Variants in SLIT1 observed in about 807,000 individuals in gnomAD.
SLIT1 encodes the protein slit homolog 1 protein.
SLIT1 carries 66 observed loss-of-function variants against 186.1 expected under a neutral mutation model. The ratio of observed to expected loss-of-function variants is 0.35; its 90% CI spans 0.29 to 0.44. SLIT1 has a LOEUF of 0.44. Among genes scored for constraint, SLIT1 ranks in the 20% least tolerant of loss-of-function variants. The pLI, the probability that SLIT1 is intolerant of heterozygous loss-of-function variation, is 1.00. For synonymous variants in SLIT1, 761 were observed against 833.8 expected (o/e 0.91, Z 1.50); for missense variants, 1,638 against 2,037.4 (o/e 0.80, Z 3.77).
At chr10:97,062,264 G>A (rs1297686791) in intron 8 of SLIT1, among the ~76,000 whole-genome samples, 1 of 152,114 alleles carries the variant, frequency 6.6e-6, no homozygotes, top group East Asian at 1.9e-4. Flanking sequence ...GCACAGCGGT[G>A]TTCAAGCCCA....
chr10:97,034,498 A>T lies in SLIT1; in HGVS notation c.2411T>A (p.Phe804Tyr). Reference protein sequence around the residue: ...NKISSLSNSSFTNMSQLTTLI... With the variant: ...NKISSLSNSSYTNMSQLTTLI... The stretch of plus-strand genomic sequence containing the variant: ...AGTGGTCAGCTGGCTCATGTTGGTG[A>T]AGGAGGAATTGCTTAAGGAACTGAT... Residue 804 changes from phenylalanine (F) to tyrosine (Y), a missense_variant, in exon 23 of 37, where the codon TTC (phenylalanine) becomes TAC (tyrosine). Phe to Tyr is a conservative substitution (Grantham distance 22). Transcript: ENST00000266058. The T allele has an allele frequency of 6.2e-7, 1 of 1,613,564 alleles. No individual in the cohort carries two copies. The highest frequency in any genetic ancestry group is 8.5e-7 in the Non-Finnish European group (1 of 1,179,680).
chr10:97,116,112 C>G (rs949676886), intron 4 of SLIT1, among the ~76,000 whole-genome samples: 1 of 152,214 alleles, frequency 6.6e-6, no homozygotes, highest in South Asian at 2.1e-4. Flanking sequence ...ATACATTTCA[C>G]GGGCTGTTGA....
At chr10:97,048,264 G>A (rs74153754) in intron 14 of SLIT1, among the ~76,000 whole-genome samples, 1,629 of 152,354 alleles carry the variant, frequency 0.011, 29 homozygotes, top group African/African-American at 0.035. Context: ...GGTGGGGACT[G>A]TGCTAATTTT....
intron 4 of SLIT1, among the ~76,000 whole-genome samples, chr10:97,121,911 T>C (rs1849563233): frequency 6.6e-6 from 1 of 152,258 alleles, no homozygotes; most frequent in Non-Finnish European, 1.5e-5. Flanking sequence ...ATTGCTATAA[T>C]ATATTCCTGG....
intron 4 of SLIT1, among the ~76,000 whole-genome samples, chr10:97,120,997 C>T (rs551695104): frequency 1.3e-4 from 20 of 152,242 alleles, no homozygotes; most frequent in Admixed American, 1.2e-3. Flanking sequence ...TCTGTCCCAC[C>T]AAAACTATTA....
At chr10:97,083,578 T>C (rs1849127025) in intron 4 of SLIT1, among the ~76,000 whole-genome samples, 1 of 152,192 alleles carries the variant, frequency 6.6e-6, no homozygotes, top group African/African-American at 2.4e-5. Context: ...TAGATGCTTG[T>C]ATAATAAATT....
intron 13 of SLIT1, among the ~76,000 whole-genome samples, chr10:97,052,187 C>G (rs911736892): frequency 6.0e-5 from 9 of 149,812 alleles, no homozygotes; most frequent in African/African-American, 2.2e-4. Flanking sequence ...TCCTTGAACT[C>G]CTGGGCTCAG....
intron 4 of SLIT1, among the ~76,000 whole-genome samples, chr10:97,093,585 T>A (rs1333551771): frequency 6.6e-6 from 1 of 152,188 alleles, no homozygotes; most frequent in Non-Finnish European, 1.5e-5. Flanking sequence ...AAGATAAAGC[T>A]TAAGAATGTT....
intron 4 of SLIT1, among the ~76,000 whole-genome samples, chr10:97,095,009 G>A (rs933621716): frequency 1.3e-5 from 2 of 152,310 alleles, no homozygotes; most frequent in East Asian, 3.9e-4. Context: ...TAGGCCAGGT[G>A]CAGTGGCTCA....
chr10:97,083,096 A>T (rs2134656061), intron 4 of SLIT1, among the ~76,000 whole-genome samples: 1 of 151,784 alleles, frequency 6.6e-6, no homozygotes, highest in South Asian at 2.1e-4. Context: ...AAATATTTTT[A>T]TTTATTTATT....
intron 4 of SLIT1, among the ~76,000 whole-genome samples, chr10:97,120,969 C>T (rs753238727): frequency 3.9e-5 from 6 of 152,038 alleles, no homozygotes; most frequent in African/African-American, 7.2e-5. Flanking sequence ...TTACCTGGAC[C>T]GCCTTCTCTC....
At chr10:97,051,035 C>T (rs1190977114) in intron 13 of SLIT1, among the ~76,000 whole-genome samples, 1 of 152,168 alleles carries the variant, frequency 6.6e-6, no homozygotes, top group East Asian at 1.9e-4. Context: ...CACCCAAAAA[C>T]GTGCTGCATA....
chr10:97,109,393 T>A (rs533883846), intron 4 of SLIT1, among the ~76,000 whole-genome samples: 3 of 152,132 alleles, frequency 2.0e-5, no homozygotes, highest in Admixed American at 2.0e-4. Flanking sequence ...TCAGCTACTC[T>A]CTCCAGAGGT....
At chr10:97,181,444 G>A (rs1850337146) in intron 1 of SLIT1, among the ~76,000 whole-genome samples, 1 of 152,240 alleles carries the variant, frequency 6.6e-6, no homozygotes, top group Admixed American at 6.5e-5. Context: ...TGTTAAATGG[G>A]ACCTCTAGCT....
chr10:97,159,064 T>C (rs117368428), intron 3 of SLIT1, among the ~76,000 whole-genome samples: 2 of 152,328 alleles, frequency 1.3e-5, no homozygotes, highest in East Asian at 3.9e-4. Flanking sequence ...TCCAGGCTTG[T>C]AGCCCCAGGG....
At chr10:97,060,240 G>T in intron 9 of SLIT1, 82 bp from the exon 10 acceptor site, 1 of 1,161,170 alleles carries the variant, frequency 8.6e-7, no homozygotes, top group Non-Finnish European at 1.3e-6. Flanking sequence ...CACCTGCCCT[G>T]AATAATCCTT....
At chr10:97,107,222 C>G (rs1849423070) in intron 4 of SLIT1, among the ~76,000 whole-genome samples, 1 of 152,254 alleles carries the variant, frequency 6.6e-6, no homozygotes, top group Non-Finnish European at 1.5e-5. Context: ...TGGAGACATG[C>G]TCACCTGAGC....
intron 4 of SLIT1, among the ~76,000 whole-genome samples, chr10:97,122,561 G>C (rs1369653621): frequency 2.6e-5 from 4 of 152,182 alleles, no homozygotes; most frequent in Non-Finnish European, 4.4e-5. Context: ...GTGTATGTGA[G>C]TGTGTGTGAG....
chr10:97,134,298 C>G (rs1398822714), intron 4 of SLIT1, among the ~76,000 whole-genome samples: 1 of 152,182 alleles, frequency 6.6e-6, no homozygotes, highest in Non-Finnish European at 1.5e-5. Flanking sequence ...TTGGGGACGC[C>G]ATCTCATTCT....
Sources: allele counts gnomAD v4.1 joint callset (sites outside exome capture counted in the v4.1 genomes callset), GRCh38; gene constraint gnomAD v4.1.1; transcripts MANE v1.5; gene names NCBI Gene and HGNC (gene_info 2026-07-23, HGNC 2026-07-21).